TTC3: variants seen among roughly 807,000 people sequenced by gnomAD.
The protein encoded by TTC3 is E3 ubiquitin-protein ligase TTC3.
A neutral mutation model predicts 249.6 loss-of-function variants in TTC3; 180 were observed. The observed-to-expected ratio is 0.72, with a 90% CI of 0.64 to 0.82. The LOEUF (loss-of-function observed/expected upper bound fraction) is 0.82. Ranked by LOEUF, TTC3 falls within the 40% of genes least tolerant of loss-of-function variation. TTC3 has a pLI of 0.00. For missense variants in TTC3, 2,061 were observed against 2,398.4 expected, an observed-to-expected ratio of 0.86 and a Z score of 2.94; for synonymous variants, 717 against 805.0, an observed-to-expected ratio of 0.89 and a Z score of 1.85.
At chr21:37,191,670 C>T (rs1203498533) in intron 40 of TTC3, among the ~76,000 whole-genome samples, 4 of 152,160 alleles carry the variant, frequency 2.6e-5, no homozygotes, top group African/African-American at 9.7e-5. Flanking sequence ...CCTCCGCCTC[C>T]CAGGTTCAAG....
At chr21:37,101,176 C>T (rs896598298) in intron 10 of TTC3, 1 of 152,202 alleles carries the variant, frequency 6.6e-6, no homozygotes. Context: ...TGTTGGTATT[C>T]ATTTAAGTAT....
intron 1 of TTC3, among the ~76,000 whole-genome samples, chr21:37,080,600 C>G (rs1215679738): frequency 6.6e-6 from 1 of 152,072 alleles, no homozygotes; most frequent in Non-Finnish European, 1.5e-5. Context: ...AACAGATTTC[C>G]TGTAGTTCTA....
At chr21:37,088,003 GA>G (rs2072736945) in intron 3 of TTC3, 128 bp downstream of exon 3, 1 of 965,422 alleles carries the variant, frequency 1.0e-6, no homozygotes, top group Non-Finnish European at 1.5e-6. Context: ...TTTTTCACTA[GA>G]AATCAGAACT....
At chr21:37,087,684 T>C in intron 2 of TTC3, 149 bp from the exon 3 acceptor site, 1 of 750,260 alleles carries the variant, frequency 1.3e-6, no homozygotes, top group Non-Finnish European at 2.2e-6. Flanking sequence ...GTAAAACGGG[T>C]CTCAAATTAA....
chr21:37,127,847 G>A (rs1480116974), intron 15 of TTC3, among the ~76,000 whole-genome samples: 1 of 152,154 alleles, frequency 6.6e-6, no homozygotes, highest in Non-Finnish European at 1.5e-5. Flanking sequence ...TAGCACATTA[G>A]CGTAATGATA....
intron 20 of TTC3, among the ~76,000 whole-genome samples, chr21:37,142,970 A>G (rs1418035218): frequency 6.6e-6 from 1 of 152,240 alleles, no homozygotes; most frequent in African/African-American, 2.4e-5. Flanking sequence ...ATCTTTGACA[A>G]ACCTGACAAA....
chr21:37,104,174 C>T (rs1302955375), intron 10 of TTC3, among the ~76,000 whole-genome samples: 1 of 152,180 alleles, frequency 6.6e-6, no homozygotes, highest in Non-Finnish European at 1.5e-5. Flanking sequence ...TGGAACTGTT[C>T]TGACGTTTCT....
chr21:37,162,298 A>G (rs2080833303), intron 31 of TTC3, among the ~76,000 whole-genome samples: 1 of 152,214 alleles, frequency 6.6e-6, no homozygotes, highest in African/African-American at 2.4e-5. Context: ...ACATTCATTC[A>G]CTAAGTACAT....
exon 42 of TTC3, chr21:37,195,722 G>A: frequency 6.2e-7 from 1 of 1,613,978 alleles, no homozygotes; most frequent in Middle Eastern, 1.6e-4. Flanking sequence ...ATGGCCAAGG[G>A]CTTGTGACTT....
chr21:37,167,557 A>G (rs753900704), exon 34 of TTC3: 11 of 1,606,914 alleles, frequency 6.8e-6, no homozygotes, highest in East Asian at 2.2e-5. Context: ...GCCCACAGGT[A>G]TCTTGGAACA....
chr21:37,122,849 T>C lies in TTC3; in HGVS notation c.1064-134T>C, dbSNP rs2076732860. The stretch of plus-strand genomic sequence containing the variant: ...ACTAAAGACATCTAGAAATGTAAAA[T>C]TGCTTAGATTTACTTTTCAGTTTTC... On this transcript the variant is annotated intron_variant, in intron 12 of 45. Transcript: ENST00000355666. 3.4e-6 allele frequency: 3 copies of C among 876,144 alleles called. No individual in the cohort carries two copies. The South Asian group carries it at 5.2e-5, about 15-fold the overall frequency. The allele number at this position is 876,144 out of a possible 1,614,324, so 54.3% of individuals were successfully genotyped here.
chr21:37,197,763 A>AAG lies in TTC3; in HGVS notation c.5706+68_5706+69insGA, dbSNP rs1379870973. 2.6e-6 allele frequency: 4 copies of AAG among 1,546,212 alleles called. No individual in the cohort carries two copies. In the Admixed American group the frequency reaches 9.0e-5, roughly 35 times the overall value. On this transcript the variant is annotated intron_variant, in intron 43 of 45. Transcript: ENST00000355666. ...AAAATATGAGAATTGTTAAAAAAAA[A>AAG]AAAAAGCTTCAAACCAAAACCTAGA... is the stretch of plus-strand genomic sequence containing the variant.
chr21:37,139,811 A>C (rs1003175790), intron 19 of TTC3, among the ~76,000 whole-genome samples: 1 of 69,150 alleles, frequency 1.4e-5, no homozygotes, highest in Non-Finnish European at 3.1e-5. Flanking sequence ...CTGATTTAGA[A>C]AAAAAAAATG....
At chr21:37,198,078 A>T in intron 44 of TTC3, 53 bp downstream of exon 44, 1 of 1,518,024 alleles carries the variant, frequency 6.6e-7, no homozygotes, top group Non-Finnish European at 8.8e-7. Context: ...AAGCAAACAA[A>T]ATTTTTAATC....
At chr21:37,121,702 C>G in intron 11 of TTC3, 115 bp from the exon 12 acceptor site, 3 of 965,348 alleles carry the variant, frequency 3.1e-6, no homozygotes, top group Non-Finnish European at 4.4e-6. Context: ...TGGTAGGGAC[C>G]TAATCTAATA....
intron 8 of TTC3, 62 bp from the exon 9 acceptor site, chr21:37,095,288 T>C: frequency 2.0e-6 from 2 of 1,022,100 alleles, no homozygotes; most frequent in South Asian, 2.9e-5. Context: ...TTTTACTAGG[T>C]ATTGGGTTCT....
At position 37,152,866 on chromosome 21, in the gene TTC3, A is replaced by G. The variant is rs575144963; in HGVS notation, c.2414-85A>G. On this transcript the variant is annotated intron_variant, in intron 26 of 45. Transcript: ENST00000355666. ...GTATAATCAATCTGAATCATATTTT[A>G]TATTATGTAATTTTGTTATTTCTAA... 20 of 1,082,806 alleles carry G rather than the reference A, an allele frequency of 1.8e-5. 1 individual carries two copies. In the Admixed American group the frequency reaches 3.2e-4, roughly 18 times the overall value. 67.1% of individuals were successfully genotyped at this position (1,082,806 alleles called of 1,614,324 possible).
At chr21:37,105,533 A>G (rs1236509004) in intron 10 of TTC3, among the ~76,000 whole-genome samples, 2 of 152,144 alleles carry the variant, frequency 1.3e-5, no homozygotes, top group African/African-American at 4.8e-5. Context: ...ATCTTAATAC[A>G]CATGCTGAAA....
intron 44 of TTC3, among the ~76,000 whole-genome samples, chr21:37,198,697 G>A (rs2085177896): frequency 1.3e-5 from 2 of 151,912 alleles, no homozygotes; most frequent in South Asian, 2.1e-4. Flanking sequence ...AAATAAAAAG[G>A]GCATTTAAAA....
Sources: allele counts gnomAD v4.1 joint callset (sites outside exome capture counted in the v4.1 genomes callset), GRCh38; gene constraint gnomAD v4.1.1; transcripts MANE v1.5; gene names NCBI Gene and HGNC (gene_info 2026-07-23, HGNC 2026-07-21).